The following SLC35D4 variants were observed in gnomAD, a reference collection of about 807,000 sequenced individuals.
The protein encoded by SLC35D4 is UDP-N-acetylglucosamine transporter SLC35D4.
the SLC35D4 span, among the ~76,000 whole-genome samples, chr18:23,376,457 T>C: frequency 6.6e-6 from 1 of 152,214 alleles, no homozygotes; most frequent in Admixed American, 6.5e-5. Flanking sequence ...AGGACACTTC[T>C]CTACCTCAGC....
chr18:23,241,180 CAT>C, the SLC35D4 span, among the ~76,000 whole-genome samples: 6 of 152,250 alleles, frequency 3.9e-5, no homozygotes, highest in East Asian at 7.7e-4. Context: ...TACAACTTAA[CAT>C]GTGAGATTTC....
the SLC35D4 span, among the ~76,000 whole-genome samples, chr18:23,411,511 AAGAAAG>A: frequency 1.3e-5 from 2 of 149,898 alleles, no homozygotes; most frequent in Non-Finnish European, 3.0e-5. Context: ...GAAAGAAAGA[AAGAAAG>A]AAAGAAAGAA....
At chr18:23,345,443 C>T in the SLC35D4 span, among the ~76,000 whole-genome samples, 1 of 126,678 alleles carries the variant, frequency 7.9e-6, no homozygotes, top group Admixed American at 1.1e-4. Flanking sequence ...GATCGCACCA[C>T]TGTACTCCAG....
At chr18:23,274,631 T>C in the SLC35D4 span, among the ~76,000 whole-genome samples, 117 of 152,244 alleles carry the variant, frequency 7.7e-4, no homozygotes, top group East Asian at 4.3e-3. Flanking sequence ...GGAACTCCCA[T>C]AGTCTCTGAG....
chr18:23,334,821 G>A, the SLC35D4 span, among the ~76,000 whole-genome samples: 1 of 151,908 alleles, frequency 6.6e-6, no homozygotes, highest in Non-Finnish European at 1.5e-5. Flanking sequence ...TGGCCAACAT[G>A]GTAAAACCCC....
the SLC35D4 span, among the ~76,000 whole-genome samples, chr18:23,338,401 A>G: frequency 1.3e-5 from 2 of 152,216 alleles, no homozygotes; most frequent in Non-Finnish European, 2.9e-5. Flanking sequence ...AAAACAGCAG[A>G]TTGATGGAGT....
At chr18:23,259,016 A>AGAG in the SLC35D4 span, 6 of 151,770 alleles carry the variant, frequency 4.0e-5, no homozygotes, top group African/African-American at 1.5e-4. Context: ...GGGAGGAGGG[A>AGAG]GAGGATATGA....
chr18:23,413,899 A>T, the SLC35D4 span, among the ~76,000 whole-genome samples: 126 of 151,334 alleles, frequency 8.3e-4, no homozygotes, highest in African/African-American at 2.9e-3. Flanking sequence ...AGCCAAGACC[A>T]TCCCACTGCA....
chr18:23,273,673 G>C, the SLC35D4 span, among the ~76,000 whole-genome samples: 3 of 152,160 alleles, frequency 2.0e-5, no homozygotes, highest in East Asian at 3.9e-4. Context: ...CACTCACTTA[G>C]ATATGGAAGC....
the SLC35D4 span, among the ~76,000 whole-genome samples, chr18:23,318,113 T>C: frequency 4.6e-5 from 7 of 152,214 alleles, no homozygotes; most frequent in Non-Finnish European, 7.3e-5. Flanking sequence ...GTTATCTTTC[T>C]TTTTAATTCT....
chr18:23,355,035 C>T, the SLC35D4 span, among the ~76,000 whole-genome samples: 28 of 152,080 alleles, frequency 1.8e-4, no homozygotes, highest in African/African-American at 6.3e-4. Flanking sequence ...CCTCCTGAGC[C>T]CCCCCAGAAC....
chr18:23,240,108 A>G, the SLC35D4 span, among the ~76,000 whole-genome samples: 2 of 152,148 alleles, frequency 1.3e-5, no homozygotes, highest in Non-Finnish European at 2.9e-5. Flanking sequence ...ATAAAGCAAG[A>G]CCCTGTCTCA....
chr18:23,255,815 C>T, the SLC35D4 span, among the ~76,000 whole-genome samples: 1 of 152,144 alleles, frequency 6.6e-6, no homozygotes, highest in Non-Finnish European at 1.5e-5. Flanking sequence ...TTCACCTCAA[C>T]CTCCCAAAGT....
the SLC35D4 span, among the ~76,000 whole-genome samples, chr18:23,243,572 T>G: frequency 7.9e-5 from 12 of 151,766 alleles, no homozygotes; most frequent in Non-Finnish European, 1.3e-4. Flanking sequence ...TACAATTCAT[T>G]TTTTTCTCAT....
the SLC35D4 span, among the ~76,000 whole-genome samples, chr18:23,243,052 C>T: frequency 2.0e-5 from 3 of 150,040 alleles, no homozygotes; most frequent in Admixed American, 2.0e-4. Context: ...AATTTAATAA[C>T]ATACTCATAT....
At chr18:23,270,852 AG>A in the SLC35D4 span, among the ~76,000 whole-genome samples, 1 of 152,390 alleles carries the variant, frequency 6.6e-6, no homozygotes, top group East Asian at 1.9e-4. Context: ...TACAATAGGC[AG>A]AAGGGATTTG....
At chr18:23,280,845 C>T in the SLC35D4 span, among the ~76,000 whole-genome samples, 1 of 152,058 alleles carries the variant, frequency 6.6e-6, no homozygotes, top group Non-Finnish European at 1.5e-5. Context: ...TGACCATGCC[C>T]CCCCGTCTCC....
the SLC35D4 span, chr18:23,430,550 C>T: frequency 5.1e-6 from 6 of 1,183,180 alleles, no homozygotes; most frequent in Non-Finnish European, 7.3e-6. Flanking sequence ...AAAATCTATG[C>T]AGTTATTAAA....
At chr18:23,252,505 GTTAC>G in the SLC35D4 span, among the ~76,000 whole-genome samples, 5 of 152,334 alleles carry the variant, frequency 3.3e-5, no homozygotes, top group Non-Finnish European at 4.4e-5. Context: ...AGTAGGCACT[GTTAC>G]TGTTTTTTGT....
Sources: gnomAD v4.1 joint callset for allele counts (sites outside exome capture counted in the v4.1 genomes callset) on GRCh38, gnomAD v4.1.1 for gene constraint, MANE v1.5 for transcripts, NCBI Gene and HGNC (gene_info 2026-07-23, HGNC 2026-07-21) for gene names.